The following PTPRG variants were observed in gnomAD, a reference collection of about 807,000 sequenced individuals.
The protein encoded by PTPRG is protein tyrosine phosphatase receptor type G.
A neutral mutation model predicts 165.3 loss-of-function variants in PTPRG; 102 were observed. The observed-to-expected ratio is 0.62, with a 90% CI of 0.53 to 0.73. The LOEUF (loss-of-function observed/expected upper bound fraction) is 0.73, where lower values mean the gene tolerates loss of function less well. PTPRG is among the 30% of genes least tolerant of loss of function. PTPRG has a pLI of 0.00. For missense variants in PTPRG, 1,866 were observed against 1,861.4 expected, an observed-to-expected ratio of 1.00 and a Z score of -0.05; for synonymous variants, 675 against 669.5, an observed-to-expected ratio of 1.01 and a Z score of -0.13.
At chr3:62,199,160 T>C (rs1322067288) in intron 10 of PTPRG, among the ~76,000 whole-genome samples, 1 of 152,194 alleles carries the variant, frequency 6.6e-6, no homozygotes, top group Non-Finnish European at 1.5e-5. Context: ...AGGGGAGGCA[T>C]GCACACCTGT....
chr3:61,980,308 C>G (rs1434780875), intron 2 of PTPRG, among the ~76,000 whole-genome samples: 2 of 152,204 alleles, frequency 1.3e-5, no homozygotes, highest in Non-Finnish European at 2.9e-5. Flanking sequence ...CAGAAAACTT[C>G]AGCAAGAGGC....
At chr3:61,774,778 A>G (rs2034317375) in intron 2 of PTPRG, among the ~76,000 whole-genome samples, 1 of 152,180 alleles carries the variant, frequency 6.6e-6, no homozygotes, top group Non-Finnish European at 1.5e-5. Context: ...TCATCCACAT[A>G]TGGCTATTGA....
intron 4 of PTPRG, among the ~76,000 whole-genome samples, chr3:62,067,366 C>A (rs1432297102): frequency 6.6e-6 from 1 of 151,840 alleles, no homozygotes; most frequent in East Asian, 1.9e-4. Context: ...GCACCCCTGG[C>A]CTCTACCTGC....
intron 1 of PTPRG, among the ~76,000 whole-genome samples, chr3:61,678,295 T>A (rs1334387781): frequency 6.6e-6 from 1 of 152,124 alleles, no homozygotes; most frequent in Non-Finnish European, 1.5e-5. Context: ...CCCGACGGGT[T>A]TAAAAAAATG....
intron 2 of PTPRG, among the ~76,000 whole-genome samples, chr3:61,870,263 C>A (rs906137961): frequency 6.6e-6 from 1 of 151,350 alleles, no homozygotes; most frequent in African/African-American, 2.4e-5. Flanking sequence ...AGTTTTGGTA[C>A]ATAACATACT....
intron 2 of PTPRG, among the ~76,000 whole-genome samples, chr3:61,851,609 C>T (rs2036966245): frequency 6.6e-6 from 1 of 152,060 alleles, no homozygotes; most frequent in African/African-American, 2.4e-5. Context: ...AATCAGGTAT[C>T]TATTTTTATA....
At chr3:61,940,239 C>T (rs541061430) in intron 2 of PTPRG, among the ~76,000 whole-genome samples, 23 of 152,196 alleles carry the variant, frequency 1.5e-4, no homozygotes, top group African/African-American at 5.1e-4. Context: ...CGTGAGCCAC[C>T]GTGCCCAGGC....
chr3:61,979,281 C>T lies in PTPRG; in HGVS notation c.191-10344C>T, dbSNP rs140834986. Among the ~76,000 whole-genome samples, 13 of 152,294 alleles carry T rather than the reference C, an allele frequency of 8.5e-5. No individual in the cohort carries two copies. The East Asian group carries it at 2.1e-3, about 25-fold the overall frequency. On this transcript the variant is annotated intron_variant, in intron 2 of 29. Coordinates refer to ENST00000474889, the MANE Select transcript of PTPRG (RefSeq NM_002841.4). ...ATAATATCTTTCTTTGCCTGCTCAT[C>T]ACAGATGTTTTGAACTCATTTAAAA...
intron 2 of PTPRG, among the ~76,000 whole-genome samples, chr3:61,768,808 G>A (rs1186968198): frequency 2.0e-5 from 3 of 152,082 alleles, no homozygotes; most frequent in Non-Finnish European, 4.4e-5. Context: ...GTATGGGGGA[G>A]GAGAAAGGTT....
intron 4 of PTPRG, among the ~76,000 whole-genome samples, chr3:62,023,518 T>C (rs2041744728): frequency 6.6e-6 from 1 of 152,204 alleles, no homozygotes; most frequent in Non-Finnish European, 1.5e-5. Flanking sequence ...GCCTTTCTTA[T>C]TCCTATGCAC....
chr3:62,170,805 C>T (rs1042303970), intron 8 of PTPRG, among the ~76,000 whole-genome samples: 12 of 152,214 alleles, frequency 7.9e-5, no homozygotes, highest in African/African-American at 1.7e-4. Flanking sequence ...GAGAGCTACA[C>T]GTACATAAAA....
At position 62,295,166 on chromosome 3, in the gene PTPRG, T is replaced by G. The variant is rs1703019623; in HGVS notation, c.*1859T>G. On this transcript the variant is annotated 3_prime_UTR_variant, in exon 30 of 30. Transcript: ENST00000474889. ...GTTCAAGAGAGCATGCTAAGTTGCA[T>G]GTGCTAGATGAGAGACACCTTTACA... is the stretch of plus-strand genomic sequence containing the variant. 6.6e-6 allele frequency: 1 copy of G among 152,120 alleles called. No individual in the cohort carries two copies. Among genetic ancestry groups the G allele is most frequent in the Non-Finnish European group, 1.5e-5 (1 of 68,010 alleles). The allele number at this position is 152,120 out of a possible 1,614,324, so 9.4% of individuals were successfully genotyped here.
At chr3:62,220,237 G>T (rs1310282832) in intron 13 of PTPRG, among the ~76,000 whole-genome samples, 1 of 152,242 alleles carries the variant, frequency 6.6e-6, no homozygotes, top group Non-Finnish European at 1.5e-5. Context: ...GCACAGCCTT[G>T]TGGGCCATTG....
chr3:61,945,865 A>G (rs1263426109), intron 2 of PTPRG, among the ~76,000 whole-genome samples: 2 of 152,194 alleles, frequency 1.3e-5, no homozygotes, highest in East Asian at 1.9e-4. Context: ...CAAGACGGCT[A>G]TTTCTGTCCC....
chr3:61,902,519 T>C (rs1034822037), intron 2 of PTPRG, among the ~76,000 whole-genome samples: 1 of 152,186 alleles, frequency 6.6e-6, no homozygotes, highest in Non-Finnish European at 1.5e-5. Context: ...GAAAACTCAC[T>C]ACCAATTAAA....
chr3:62,075,159 G>A (rs1156393059), intron 4 of PTPRG, among the ~76,000 whole-genome samples: 2 of 152,138 alleles, frequency 1.3e-5, no homozygotes, highest in Non-Finnish European at 2.9e-5. Flanking sequence ...TTACCCACTT[G>A]TAAATGAAAA....
intron 2 of PTPRG, among the ~76,000 whole-genome samples, chr3:61,795,639 C>CAAAAAA (rs145136197): frequency 5.0e-4 from 30 of 59,462 alleles, no homozygotes; most frequent in African/African-American, 1.3e-3. Flanking sequence ...GACTCCGTCT[C>CAAAAAA]AAAAAAAAAA....
chr3:62,017,555 A>G (rs1189961407), intron 4 of PTPRG, among the ~76,000 whole-genome samples: 1 of 149,770 alleles, frequency 6.7e-6, no homozygotes, highest in African/African-American at 2.5e-5. Flanking sequence ...AGCTGGGACT[A>G]CAGGCGCCCA....
intron 4 of PTPRG, among the ~76,000 whole-genome samples, chr3:62,031,699 C>A (rs1559757044): frequency 6.6e-6 from 1 of 152,184 alleles, no homozygotes; most frequent in South Asian, 2.1e-4. Context: ...TAATCTAGAT[C>A]TGATTGGAGG....
Sources: gnomAD v4.1 joint callset for allele counts (sites outside exome capture counted in the v4.1 genomes callset) on GRCh38, gnomAD v4.1.1 for gene constraint, MANE v1.5 for transcripts, NCBI Gene and HGNC (gene_info 2026-07-23, HGNC 2026-07-21) for gene names.